Variants in POLN observed in about 807,000 individuals in gnomAD.
The protein encoded by POLN is DNA polymerase N.
Under a neutral mutation model 113.5 loss-of-function variants are expected in POLN, and 108 were observed. The observed-to-expected ratio is 0.95, with a 90% CI of 0.81 to 1.12. The LOEUF (loss-of-function observed/expected upper bound fraction) is 1.12, where lower values mean the gene tolerates loss of function less well. POLN is among the 50% of genes most tolerant of loss of function. POLN has a pLI of 0.00. For missense variants in POLN, 1,097 were observed against 1,077.1 expected (o/e 1.02, Z -0.26); for synonymous variants, 386 against 391.5 (o/e 0.99, Z 0.17).
In POLN at chr4:2,075,429, AACCCTGTGTTGCCC is replaced by A. The variant is rs1191434492; in HGVS notation, c.2455+9_2455+22del. The A allele has an allele frequency of 3.5e-5, 57 of 1,612,720 alleles. No individual in the cohort carries two copies. The Admixed American group carries it at 9.5e-4, about 27-fold the overall frequency. On this transcript the variant is annotated intron_variant, in intron 24 of 25. Coordinates refer to ENST00000511885, the MANE Select transcript of POLN (RefSeq NM_181808.4). Reference sequence around the variant, plus strand: ...TCTTAGCTGTCTGTGATGTCCAAGCAACCCTGTGTTGCCCCAGGCTACCTGCACACTCCGGGATC... The same window carrying A: ...TCTTAGCTGTCTGTGATGTCCAAGCACAGGCTACCTGCACACTCCGGGATC...
chr4:2,144,061 T>A (rs770876234), intron 16 of POLN, among the ~76,000 whole-genome samples: 1 of 151,936 alleles, frequency 6.6e-6, no homozygotes, highest in Non-Finnish European at 1.5e-5. Context: ...TTTAAATATA[T>A]GATTTTGAAC....
chr4:2,184,234 G>A (rs1733217517), intron 7 of POLN, among the ~76,000 whole-genome samples: 1 of 142,142 alleles, frequency 7.0e-6, no homozygotes. Context: ...ACACAGTCTA[G>A]TAAAACACTA....
chr4:2,154,049 T>G (rs1016698285), intron 16 of POLN, among the ~76,000 whole-genome samples: 8 of 150,956 alleles, frequency 5.3e-5, no homozygotes, highest in African/African-American at 1.9e-4. Flanking sequence ...TACAAAAAAA[T>G]TAGCCGGGCG....
rs764440828 is a variant in POLN at position 2,072,932 on chromosome 4, C to T, written c.2517+36G>A. On this transcript the variant is annotated intron_variant, in intron 25 of 25. Transcript: ENST00000511885. Reference sequence around the variant, plus strand: ...GGTGCTGGCCTCCCCTCACCCTGGGCTCCGGAAGACCGGGCAGGCTTAAGT... The same window carrying T: ...GGTGCTGGCCTCCCCTCACCCTGGGTTCCGGAAGACCGGGCAGGCTTAAGT... 32 of 1,609,050 alleles carry T rather than the reference C, an allele frequency of 2.0e-5. 1 individual carries two copies. In the South Asian group the frequency reaches 3.0e-4, roughly 15 times the overall value.
intron 2 of POLN, chr4:2,231,744 A>C (rs187280449): frequency 2.2e-6 from 1 of 455,902 alleles, no homozygotes; most frequent in African/African-American, 2.1e-5. Flanking sequence ...TGCTCAAGTC[A>C]TAAAAAGCAC....
intron 4 of POLN, among the ~76,000 whole-genome samples, chr4:2,210,630 T>C (rs11733627): frequency 1.1e-5 from 1 of 88,606 alleles, no homozygotes; most frequent in South Asian, 3.6e-4. Flanking sequence ...ATAATAATAA[T>C]AAAAAAAAGA....
intron 16 of POLN, among the ~76,000 whole-genome samples, chr4:2,147,999 C>T (rs1302880935): frequency 6.6e-6 from 1 of 152,060 alleles, no homozygotes; most frequent in African/African-American, 2.4e-5. Context: ...CAGAGCCAGG[C>T]TTGGGGAAAT....
At chr4:2,129,682 G>A (rs768484770) in intron 17 of POLN, among the ~76,000 whole-genome samples, 6 of 152,218 alleles carry the variant, frequency 3.9e-5, no homozygotes, top group East Asian at 1.9e-4. Flanking sequence ...GAGCCATGGC[G>A]CCTGGCCTTA....
At chr4:2,183,764 T>G (rs1410019937) in intron 7 of POLN, among the ~76,000 whole-genome samples, 2 of 152,170 alleles carry the variant, frequency 1.3e-5, no homozygotes, top group African/African-American at 2.4e-5. Context: ...AATTCTGTGA[T>G]TACTTGAAAA....
At chr4:2,230,457 A>C (rs958503386) in intron 2 of POLN, 16 of 151,132 alleles carry the variant, frequency 1.1e-4, no homozygotes, top group Non-Finnish European at 1.9e-4. Flanking sequence ...AATAGAATAG[A>C]AAAAAACATA....
intron 19 of POLN, among the ~76,000 whole-genome samples, chr4:2,114,968 T>C (rs1731280997): frequency 6.6e-6 from 1 of 151,948 alleles, no homozygotes; most frequent in South Asian, 2.1e-4. Flanking sequence ...GGACACTTTC[T>C]ATTGGCCTGT....
At chr4:2,080,370 C>T (rs1055071473) in intron 23 of POLN, 1 of 1,020,034 alleles carries the variant, frequency 9.8e-7, no homozygotes, top group Non-Finnish European at 1.2e-6. Flanking sequence ...GGGCGGAGCC[C>T]CCCCCCACCA....
intron 11 of POLN, among the ~76,000 whole-genome samples, chr4:2,172,692 G>C (rs973108039): frequency 3.9e-5 from 6 of 152,208 alleles, no homozygotes; most frequent in African/African-American, 1.4e-4. Flanking sequence ...GGGGAAGTGA[G>C]GATGTGCAAG....
At chr4:2,108,902 C>T (rs922310814) in intron 19 of POLN, among the ~76,000 whole-genome samples, 3 of 151,986 alleles carry the variant, frequency 2.0e-5, no homozygotes, top group Non-Finnish European at 4.4e-5. Flanking sequence ...ACACTTTCCT[C>T]GTGGGCAATG....
chr4:2,201,840 A>G (rs1227897478), intron 5 of POLN, among the ~76,000 whole-genome samples: 1 of 152,234 alleles, frequency 6.6e-6, no homozygotes, highest in African/African-American at 2.4e-5. Flanking sequence ...CTATCAGATT[A>G]ACAGCAGAAA....
rs1730424918 is a variant in POLN, at chr4:2,081,705, G to A, written c.2236C>T (p.Pro746Ser). ...VSIMGRRRPLPRIHAHDQQLR... is the reference protein window; with the variant it reads ...VSIMGRRRPLSRIHAHDQQLR... ...TGCTGGTCATGAGCGTGAATCCTTG[G>A]CAGGGGTCTCCTTCTGCCCATGATG... Residue 746 changes from proline to serine, a missense_variant, in exon 22 of 26, where the codon CCA becomes TCA. Coordinates refer to ENST00000511885, the MANE Select transcript of POLN (RefSeq NM_181808.4). The A allele has an allele frequency of 6.2e-7, 1 of 1,614,002 alleles. No individual in the cohort carries two copies. The highest frequency in any genetic ancestry group is 8.5e-7 in the Non-Finnish European group (1 of 1,180,014).
intron 3 of POLN, among the ~76,000 whole-genome samples, chr4:2,219,225 C>A (rs1008479800): frequency 5.3e-5 from 8 of 152,120 alleles, no homozygotes; most frequent in Non-Finnish European, 8.8e-5. Flanking sequence ...TGAGTCCTTG[C>A]GCCTCTGACG....
intron 5 of POLN, 111 bp downstream of exon 5, chr4:2,207,876 A>G (rs2108763833): frequency 1.6e-6 from 2 of 1,251,716 alleles, no homozygotes; most frequent in Non-Finnish European, 2.2e-6. Context: ...CTGGAGGGGA[A>G]GGAAAGCCTT....
At chr4:2,092,321 A>C (rs1730687241) in intron 20 of POLN, among the ~76,000 whole-genome samples, 1 of 152,230 alleles carries the variant, frequency 6.6e-6, no homozygotes, top group Non-Finnish European at 1.5e-5. Context: ...TAGGAGCCAT[A>C]AACACTCAGA....
Sources: allele counts gnomAD v4.1 joint callset (sites outside exome capture counted in the v4.1 genomes callset), GRCh38; gene constraint gnomAD v4.1.1; transcripts MANE v1.5; gene names NCBI Gene and HGNC (gene_info 2026-07-23, HGNC 2026-07-21).